The following CDH3 variants were observed in gnomAD, a reference collection of about 807,000 sequenced individuals.
CDH3 encodes cadherin-3.
Under a neutral mutation model 82.0 loss-of-function variants are expected in CDH3, and 54 were observed. The observed-to-expected ratio is 0.66, with a 90% CI of 0.53 to 0.83. The LOEUF (loss-of-function observed/expected upper bound fraction) is 0.83, where lower values mean the gene tolerates loss of function less well. CDH3 is among the 40% of genes least tolerant of loss of function. The pLI, the probability that CDH3 is intolerant of heterozygous loss-of-function variation, is 0.00. For synonymous variants in CDH3, 446 were observed against 437.9 expected, an observed-to-expected ratio of 1.02 and a Z score of -0.23; for missense variants, 1,054 against 1,084.6, an observed-to-expected ratio of 0.97 and a Z score of 0.40.
At chr16:68,708,486 C>T (rs867093752) in intron 1 of CDH3, among the ~76,000 whole-genome samples, 6 of 152,168 alleles carry the variant, frequency 3.9e-5, no homozygotes, top group Non-Finnish European at 7.3e-5. Flanking sequence ...AGATTTCTCT[C>T]GGCTCCCTCA....
chr16:68,699,711 G>T lies in CDH3; in HGVS notation c.*1311G>T. 6.6e-6 allele frequency: 1 copy of T among 152,106 alleles called. No homozygotes were observed. Among genetic ancestry groups the T allele is most frequent in the East Asian group, 1.9e-4 (1 of 5,182 alleles). The allele number at this position is 152,106 out of a possible 1,614,324, so 9.4% of individuals were successfully genotyped here. A position where few individuals can be genotyped will look rare whatever the true frequency, so the allele number is the denominator to read the frequency against. ...GGGGTTTCACTGTGTTAGCCAGGAT[G>T]TCTCGATCTCCTGACCTCGTGATCC... On this transcript the variant is annotated 3_prime_UTR_variant, in exon 16 of 16. Coordinates refer to ENST00000264012, the MANE Select transcript of CDH3 (RefSeq NM_001793.6).
At chr16:68,726,581 T>C in intron 2 of CDH3, among the ~76,000 whole-genome samples, 1 of 134,702 alleles carries the variant, frequency 7.4e-6, no homozygotes, top group Non-Finnish European at 1.5e-5. Flanking sequence ...TTTTGGTTGT[T>C]TTTTTTTTTT....
intron 1 of CDH3, among the ~76,000 whole-genome samples, chr16:68,714,497 C>T (rs988022988): frequency 2.6e-5 from 4 of 152,150 alleles, no homozygotes; most frequent in Non-Finnish European, 4.4e-5. Flanking sequence ...ATTTTTTTCC[C>T]CAGGAAGCCT....
intron 3 of CDH3, among the ~76,000 whole-genome samples, chr16:68,677,256 GT>G (rs1043093153): frequency 6.6e-6 from 1 of 152,012 alleles, no homozygotes; most frequent in Non-Finnish European, 1.5e-5. Flanking sequence ...GCCACTATTA[GT>G]TTTTTTCTGT....
chr16:68,691,823 C>T lies in CDH3; in HGVS notation c.1899C>T (p.Ile633=), dbSNP rs1961585010. 1.2e-6 allele frequency: 2 copies of T among 1,614,138 alleles called. No homozygotes were observed. Among genetic ancestry groups the T allele is most frequent in the Non-Finnish European group, 8.5e-7 (1 of 1,180,008 alleles). Residue 633 remains isoleucine, a synonymous_variant, in exon 13 of 16, where the codon ATC becomes ATT. Coordinates refer to ENST00000264012, the MANE Select transcript of CDH3 (RefSeq NM_001793.6). The part of the protein sequence containing the change: ...DHGNKEQLTV[I]RATVCDCHGH... ...GCAACAAAGAGCAGCTGACGGTGAT[C>T]AGGGCCACTGTGTGCGACTGCCATG...
At chr16:68,701,802 G>T (rs538133364), downstream of CDH3, among the ~76,000 whole-genome samples, 296 of 151,836 alleles carry the variant, frequency 1.9e-3, no homozygotes, top group Middle Eastern at 3.4e-3. Context: ...GAGGCGGGCG[G>T]ATTATGAGGT....
intron 2 of CDH3, among the ~76,000 whole-genome samples, chr16:68,673,325 G>A (rs1960938512): frequency 6.6e-6 from 1 of 152,120 alleles, no homozygotes; most frequent in Non-Finnish European, 1.5e-5. Context: ...AAATAATTCA[G>A]TAGCACTAAG....
intron 2 of CDH3, among the ~76,000 whole-genome samples, chr16:68,648,679 G>A (rs1960150997): frequency 6.6e-6 from 1 of 151,830 alleles, no homozygotes; most frequent in South Asian, 2.1e-4. Context: ...ACAAACTCTG[G>A]GCTCAAGCAA....
chr16:68,679,027 C>G (rs1961125918), intron 6 of CDH3, 121 bp downstream of exon 6: 1 of 993,800 alleles, frequency 1.0e-6, no homozygotes, highest in African/African-American at 1.6e-5. Flanking sequence ...TCTTAAAAAT[C>G]CAGATTTCCC....
At chr16:68,663,131 T>C (rs1024276935) in intron 2 of CDH3, among the ~76,000 whole-genome samples, 1 of 151,966 alleles carries the variant, frequency 6.6e-6, no homozygotes, top group African/African-American at 2.4e-5. Context: ...CCTCCCAAAG[T>C]GCTAGGATTA....
At chr16:68,689,921 G>A (rs188196301) in intron 12 of CDH3, among the ~76,000 whole-genome samples, 3 of 152,256 alleles carry the variant, frequency 2.0e-5, no homozygotes, top group East Asian at 1.9e-4. Flanking sequence ...GTAGAAACCC[G>A]CAATGCTGTG....
chr16:68,645,456 G>A, intron 1 of CDH3, 32 bp downstream of exon 1: 1 of 1,610,718 alleles, frequency 6.2e-7, no homozygotes, highest in Non-Finnish European at 8.5e-7. Context: ...GCCCCGACCG[G>A]GACCGCTCCC....
At chr16:68,672,658 A>C (rs1400039362) in intron 2 of CDH3, among the ~76,000 whole-genome samples, 1 of 152,080 alleles carries the variant, frequency 6.6e-6, no homozygotes, top group Non-Finnish European at 1.5e-5. Flanking sequence ...CAAGCACGTC[A>C]CAGCCCAGCA....
intron 3 of CDH3, among the ~76,000 whole-genome samples, chr16:68,677,682 G>A (rs890577107): frequency 6.6e-6 from 1 of 152,226 alleles, no homozygotes; most frequent in African/African-American, 2.4e-5. Context: ...AGGTTGCAGT[G>A]AGCTGAGATC....
At chr16:68,660,461 T>C (rs201752162) in intron 2 of CDH3, among the ~76,000 whole-genome samples, 356 of 152,368 alleles carry the variant, frequency 2.3e-3, no homozygotes, top group Non-Finnish European at 3.9e-3. Flanking sequence ...TGCATTTTTT[T>C]CTCAAGTTTT....
chr16:68,654,624 A>ATC (rs1479265375), intron 2 of CDH3, among the ~76,000 whole-genome samples: 3 of 143,554 alleles, frequency 2.1e-5, no homozygotes, highest in African/African-American at 7.7e-5. Context: ...AATCTCTTAA[A>ATC]TCTGAGAGGT....
chr16:68,719,267 G>T (rs1041676411), intron 1 of CDH3, among the ~76,000 whole-genome samples: 143 of 132,230 alleles, frequency 1.1e-3, no homozygotes, highest in Non-Finnish European at 2.0e-3. Flanking sequence ...AAAAAAAAAA[G>T]ATAAAAAACG....
intron 11 of CDH3, among the ~76,000 whole-genome samples, chr16:68,687,273 C>T (rs1280784734): frequency 2.0e-5 from 3 of 152,122 alleles, no homozygotes; most frequent in South Asian, 4.1e-4. Context: ...CGGTAGGTTT[C>T]GCCTTGTGGT....
At chr16:68,717,595 A>C (rs1362969265) in intron 1 of CDH3, among the ~76,000 whole-genome samples, 4 of 152,120 alleles carry the variant, frequency 2.6e-5, no homozygotes, top group African/African-American at 9.7e-5. Context: ...CAACATGGTG[A>C]AACCCCGTCT....
Sources: allele counts gnomAD v4.1 joint callset (sites outside exome capture counted in the v4.1 genomes callset), GRCh38; gene constraint gnomAD v4.1.1; transcripts MANE v1.5; gene names NCBI Gene and HGNC (gene_info 2026-07-23, HGNC 2026-07-21).